ALCAM: variants seen among roughly 807,000 people sequenced by gnomAD.
The protein encoded by ALCAM is activated leukocyte cell adhesion molecule, also known as CD166 antigen.
A neutral mutation model predicts 70.9 loss-of-function variants in ALCAM; 30 were observed. The observed-to-expected ratio is 0.42, with a 90% CI of 0.32 to 0.57. The LOEUF (loss-of-function observed/expected upper bound fraction) is 0.57, where lower values mean the gene tolerates loss of function less well. Among genes scored for constraint, ALCAM ranks in the 20% least tolerant of loss-of-function variants. ALCAM has a pLI of 0.11. For synonymous variants in ALCAM, 249 were observed against 242.5 expected (o/e 1.03, Z -0.25); for missense variants, 591 against 695.1 (o/e 0.85, Z 1.68).
chr3:105,399,754 C>A (rs944465261), intron 1 of ALCAM, among the ~76,000 whole-genome samples: 1 of 152,056 alleles, frequency 6.6e-6, no homozygotes, highest in Non-Finnish European at 1.5e-5. Flanking sequence ...ACCTGCCCTC[C>A]CTGGAAAATC....
At position 105,552,172 on chromosome 3, in the gene ALCAM, C is replaced by T. The variant is rs140620252; in HGVS notation, c.1536C>T (p.Asp512=). The T allele has an allele frequency of 5.3e-5, 85 of 1,602,470 alleles. No individual in the cohort carries two copies. Among genetic ancestry groups the T allele is most frequent in the African/African-American group, 9.5e-5 (7 of 73,882 alleles). The change falls in exon 13 of 16, where the codon GAC becomes GAT. Residue 512 remains aspartate (D), a synonymous_variant. Coordinates refer to ENST00000306107, the MANE Select transcript of ALCAM (RefSeq NM_001627.4). ...GTATTCCAGAACACGATGAGGCAGA[C>T]GAGATAAGTGGTAGGTACTATGCTG... ...AISIPEHDEA[D]EISDENREKV...
chr3:105,392,605 C>T (rs1038480642), intron 1 of ALCAM, among the ~76,000 whole-genome samples: 2 of 151,472 alleles, frequency 1.3e-5, no homozygotes, highest in African/African-American at 4.8e-5. Flanking sequence ...TTGTTTATTT[C>T]TTGCCTTCTG....
At chr3:105,431,908 G>T (rs6804574) in intron 1 of ALCAM, among the ~76,000 whole-genome samples, 2 of 151,974 alleles carry the variant, frequency 1.3e-5, no homozygotes, top group Non-Finnish European at 2.9e-5. Context: ...ACTCATTTTA[G>T]ATTATAATGA....
intron 1 of ALCAM, among the ~76,000 whole-genome samples, chr3:105,499,083 T>A (rs1010902540): frequency 6.6e-6 from 1 of 152,142 alleles, no homozygotes; most frequent in South Asian, 2.1e-4. Context: ...ATTACAATAG[T>A]ACAATATCAC....
chr3:105,380,624 A>G (rs971377392), intron 1 of ALCAM, among the ~76,000 whole-genome samples: 6 of 151,956 alleles, frequency 3.9e-5, no homozygotes, highest in Non-Finnish European at 8.8e-5. Flanking sequence ...AAAAAATTCA[A>G]TGATGGGCCT....
intron 1 of ALCAM, among the ~76,000 whole-genome samples, chr3:105,411,898 A>G (rs754017485): frequency 2.0e-5 from 3 of 152,068 alleles, no homozygotes; most frequent in African/African-American, 4.8e-5. Context: ...AAGGAGGAGA[A>G]TATTTTTATT....
At chr3:105,524,088 T>A (rs1193012588) in intron 2 of ALCAM, among the ~76,000 whole-genome samples, 1 of 152,188 alleles carries the variant, frequency 6.6e-6, no homozygotes, top group South Asian at 2.1e-4. Context: ...CTCTACCCTT[T>A]CATTTTTACT....
At chr3:105,375,716 C>A (rs1384299844) in intron 1 of ALCAM, among the ~76,000 whole-genome samples, 1 of 152,144 alleles carries the variant, frequency 6.6e-6, no homozygotes, top group Non-Finnish European at 1.5e-5. Context: ...CCATTCTGTT[C>A]TTCTATGAGA....
intron 2 of ALCAM, among the ~76,000 whole-genome samples, chr3:105,520,588 A>G (rs1441939415): frequency 6.6e-6 from 1 of 152,212 alleles, no homozygotes; most frequent in Non-Finnish European, 1.5e-5. Context: ...TTCGGAATTA[A>G]TCATCAGTAT....
chr3:105,448,222 G>A (rs1375351991), intron 1 of ALCAM, among the ~76,000 whole-genome samples: 2 of 151,982 alleles, frequency 1.3e-5, no homozygotes, highest in Non-Finnish European at 2.9e-5. Flanking sequence ...TCAATTTAAA[G>A]CAATTTTCAT....
intron 1 of ALCAM, among the ~76,000 whole-genome samples, chr3:105,479,470 T>C (rs1043597328): frequency 2.0e-5 from 3 of 152,184 alleles, no homozygotes; most frequent in African/African-American, 7.2e-5. Flanking sequence ...AATATTTAAA[T>C]TGCTAATATT....
At chr3:105,449,405 C>CT (rs1389147272) in intron 1 of ALCAM, among the ~76,000 whole-genome samples, 2 of 152,186 alleles carry the variant, frequency 1.3e-5, no homozygotes, top group African/African-American at 4.8e-5. Flanking sequence ...GAAAGAGAAT[C>CT]TATAGCAGGT....
chr3:105,539,440 C>T (rs552155539), intron 6 of ALCAM, among the ~76,000 whole-genome samples: 1 of 152,168 alleles, frequency 6.6e-6, no homozygotes, highest in South Asian at 2.1e-4. Flanking sequence ...GGTTCTCCCT[C>T]AGTTCATAGG....
intron 1 of ALCAM, among the ~76,000 whole-genome samples, chr3:105,425,324 A>C (rs1299233245): frequency 6.6e-6 from 1 of 151,656 alleles, no homozygotes; most frequent in Non-Finnish European, 1.5e-5. Context: ...TGTGTATGTT[A>C]TATACCTAGG....
chr3:105,514,404 T>A (rs1038048223), intron 1 of ALCAM, among the ~76,000 whole-genome samples: 2 of 151,896 alleles, frequency 1.3e-5, no homozygotes, highest in Non-Finnish European at 2.9e-5. Flanking sequence ...CTGTGACGTA[T>A]CCAGCCCCAT....
Position 105,506,995 on chromosome 3 carries a change from C to T in ALCAM, c.74-13072C>T, listed in dbSNP as rs1161906174. 3.3e-5 allele frequency among the ~76,000 whole-genome samples: 5 copies of T among 152,202 alleles called. No individual in the cohort carries two copies. In the East Asian group the frequency reaches 9.6e-4, roughly 29 times the overall value. On this transcript the variant is annotated intron_variant, in intron 1 of 15. Transcript: ENST00000306107. ...GCTTTGCCCTTGAAGATGTTTGTGT[C>T]CTTCCCTCTCCCTATACCAGTGGAA...
Position 105,367,346 on chromosome 3 carries a change from C to A in ALCAM, c.-63C>A, listed in dbSNP as rs995973001. On this transcript the variant is annotated 5_prime_UTR_variant, in exon 1 of 16. Transcript: ENST00000306107. ...GCCAGCGCGCGGGCACCGCGGGGCC[C>A]GGGACGACGCCCCCTCCTGCGGCGT... 6.4e-7 allele frequency: 1 copy of A among 1,574,330 alleles called. No homozygotes were observed. The highest frequency in any genetic ancestry group is 8.7e-7 in the Non-Finnish European group (1 of 1,150,834).
At chr3:105,519,139 T>G (rs1434377052) in intron 1 of ALCAM, among the ~76,000 whole-genome samples, 3 of 152,100 alleles carry the variant, frequency 2.0e-5, no homozygotes, top group Non-Finnish European at 2.9e-5. Context: ...AGTTCTAAAT[T>G]TTAAAGATTG....
chr3:105,432,808 G>C (rs1229542682), intron 1 of ALCAM, among the ~76,000 whole-genome samples: 3 of 152,108 alleles, frequency 2.0e-5, no homozygotes, highest in African/African-American at 7.2e-5. Flanking sequence ...AAAGGAAATT[G>C]TCCTGCAGAG....
Sources: allele counts gnomAD v4.1 joint callset (sites outside exome capture counted in the v4.1 genomes callset), GRCh38; gene constraint gnomAD v4.1.1; transcripts MANE v1.5; gene names NCBI Gene and HGNC (gene_info 2026-07-23, HGNC 2026-07-21).